The following ARSG variants were observed in gnomAD, a reference collection of about 807,000 sequenced individuals.
ARSG encodes arylsulfatase G.
A neutral mutation model predicts 50.5 loss-of-function variants in ARSG; 37 were observed. That is an observed-to-expected ratio of 0.73 (90% CI 0.56 to 0.96). ARSG has a LOEUF of 0.96. ARSG is among the 50% of genes least tolerant of loss of function. The pLI, the probability that ARSG is intolerant of heterozygous loss-of-function variation, is 0.00. For synonymous variants in ARSG, 225 were observed against 254.6 expected, an observed-to-expected ratio of 0.88 and a Z score of 1.11; for missense variants, 629 against 675.3, an observed-to-expected ratio of 0.93 and a Z score of 0.76.
In ARSG at chr17:68,408,165, G is replaced by A. The variant is rs187579891; in HGVS notation, c.1303+6715G>A. Among the ~76,000 whole-genome samples, 241 of 151,686 alleles carry A rather than the reference G, an allele frequency of 1.6e-3. 1 individual carries two copies. The highest frequency in any genetic ancestry group is 1.7e-3 in the Non-Finnish European group (118 of 67,922). On this transcript the variant is annotated intron_variant, in intron 11 of 11. Coordinates refer to ENST00000621439, the MANE Select transcript of ARSG (RefSeq NM_001267727.2). ...ATACTTTAAGTTTTAGGGTACATGCGCACAATGTGCAGGTTAGTTACATAT... is the reference window on the plus strand; with the variant it reads ...ATACTTTAAGTTTTAGGGTACATGCACACAATGTGCAGGTTAGTTACATAT...
the ARSG span, among the ~76,000 whole-genome samples, chr17:68,429,226 G>A: frequency 1.3e-5 from 2 of 152,166 alleles, no homozygotes; most frequent in Non-Finnish European, 2.9e-5. Flanking sequence ...CTCCCTACAT[G>A]GGACGCAGTC....
chr17:68,290,327 G>A (rs184799063), upstream of ARSG, among the ~76,000 whole-genome samples: 872 of 152,262 alleles, frequency 5.7e-3, 3 homozygotes, highest in Non-Finnish European at 7.8e-3. Flanking sequence ...AGGGTGGGGG[G>A]AATAAAAAGA....
chr17:68,362,724 G>A (rs1235426825), intron 6 of ARSG, among the ~76,000 whole-genome samples: 4 of 152,144 alleles, frequency 2.6e-5, no homozygotes, highest in African/African-American at 4.8e-5. Context: ...TCAGGTCAGT[G>A]CTCAAACAGT....
At chr17:68,330,535 G>A (rs925558012) in intron 2 of ARSG, among the ~76,000 whole-genome samples, 3 of 152,188 alleles carry the variant, frequency 2.0e-5, no homozygotes, top group African/African-American at 7.2e-5. Flanking sequence ...GCTGTGGAGA[G>A]GCAGGAGGGA....
Position 68,386,146 on chromosome 17 carries a change from A to G in ARSG, c.1091+974A>G, listed in dbSNP as rs1188638335. Among the ~76,000 whole-genome samples the G allele has an allele frequency of 3.3e-5, 5 of 152,150 alleles. No homozygotes were observed. The East Asian group carries it at 7.7e-4, about 23-fold the overall frequency. On this transcript the variant is annotated intron_variant, in intron 9 of 11. Transcript: ENST00000621439. ...TTGGCTGTGCAGCGTCTATGTGAAA[A>G]CAACATCTTCCCAGCTATGGAACCA...
chr17:68,344,733 T>C (rs533136229), intron 3 of ARSG, among the ~76,000 whole-genome samples: 27 of 152,294 alleles, frequency 1.8e-4, no homozygotes, highest in African/African-American at 6.0e-4. Flanking sequence ...TGTTTGTTAG[T>C]CTAACTCTCA....
At position 68,291,884 on chromosome 17, in the gene ARSG, G is replaced by C. The variant is rs531132427; in HGVS notation, c.-552+316G>C. On this transcript the variant is annotated intron_variant, in intron 1 of 11. Coordinates refer to ENST00000621439, the MANE Select transcript of ARSG (RefSeq NM_001267727.2). ...GATTTAGCGGCGAGGGGGAACACGC[G>C]CGCGCCGGGGCTGATCCCGCGCGGC... Among the ~76,000 whole-genome samples, 5 of 151,950 alleles carry C rather than the reference G, an allele frequency of 3.3e-5. No individual in the cohort carries two copies. In the South Asian group the frequency reaches 1.0e-3, roughly 31 times the overall value.
chr17:68,388,807 C>T (rs112428645), intron 9 of ARSG, among the ~76,000 whole-genome samples: 137 of 151,968 alleles, frequency 9.0e-4, no homozygotes, highest in African/African-American at 3.2e-3. Context: ...TGCCTGTAAT[C>T]CCAGCTATTC....
At chr17:68,439,091 A>AAACAT in the ARSG span, among the ~76,000 whole-genome samples, 101 of 152,320 alleles carry the variant, frequency 6.6e-4, 1 homozygote, top group African/African-American at 2.4e-3. Context: ...TTCAAAAGCT[A>AAACAT]AACATAAAGT....
At chr17:68,282,052 G>A (rs55904835) in intron 1 of ARSG, among the ~76,000 whole-genome samples, 2,256 of 152,200 alleles carry the variant, frequency 0.015, 55 homozygotes, top group African/African-American at 0.052. Context: ...ACATGCACAC[G>A]TATGTTTATT....
chr17:68,418,510 A>G (rs1030623930), intron 11 of ARSG, among the ~76,000 whole-genome samples: 7 of 149,224 alleles, frequency 4.7e-5, no homozygotes. Flanking sequence ...CAGTAATAAA[A>G]AAGGGTTGTC....
intron 9 of ARSG, among the ~76,000 whole-genome samples, chr17:68,388,755 T>C (rs1351723664): frequency 1.3e-5 from 2 of 151,628 alleles, no homozygotes; most frequent in Non-Finnish European, 2.9e-5. Flanking sequence ...TGAAACCCCG[T>C]CTCTACTAAA....
chr17:68,289,740 A>G (rs2075925701), upstream of ARSG, among the ~76,000 whole-genome samples: 1 of 152,154 alleles, frequency 6.6e-6, no homozygotes. Context: ...TGGTGTTGAA[A>G]CCTGAGCCCC....
At chr17:68,374,790 G>A (rs974474999) in intron 8 of ARSG, among the ~76,000 whole-genome samples, 1 of 151,462 alleles carries the variant, frequency 6.6e-6, no homozygotes, top group African/African-American at 2.4e-5. Flanking sequence ...AGGTGGAGGA[G>A]GTTGCAGTGA....
chr17:68,373,595 G>C (rs535406448), intron 8 of ARSG, among the ~76,000 whole-genome samples: 1 of 152,294 alleles, frequency 6.6e-6, no homozygotes, highest in East Asian at 1.9e-4. Flanking sequence ...GCAAGTGGCT[G>C]CAGGACTGTG....
intron 2 of ARSG, among the ~76,000 whole-genome samples, chr17:68,318,499 C>T (rs1386949409): frequency 6.6e-6 from 1 of 152,194 alleles, no homozygotes; most frequent in Non-Finnish European, 1.5e-5. Context: ...GCAGTAATGA[C>T]TCACAGGTCT....
the ARSG span, among the ~76,000 whole-genome samples, chr17:68,433,888 T>G: frequency 6.8e-6 from 1 of 147,990 alleles, no homozygotes; most frequent in African/African-American, 2.5e-5. Flanking sequence ...GTTCAAGCGA[T>G]TCTCCTGCCT....
At position 68,367,588 on chromosome 17, in the gene ARSG, C is replaced by A. The variant is rs998922912; in HGVS notation, c.705-960C>A. Among the ~76,000 whole-genome samples the A allele has an allele frequency of 3.3e-5, 5 of 152,172 alleles. No homozygotes were observed. Among genetic ancestry groups the A allele is most frequent in the Non-Finnish European group, 5.9e-5 (4 of 68,034 alleles). ...TCTTGGCTGGGAGTAGGACTGGGACCTTTGCTTGGAAGCCACGCCAGCTCC... is the reference window on the plus strand; with the variant it reads ...TCTTGGCTGGGAGTAGGACTGGGACATTTGCTTGGAAGCCACGCCAGCTCC... On this transcript the variant is annotated intron_variant, in intron 6 of 11. Coordinates refer to ENST00000621439, the MANE Select transcript of ARSG (RefSeq NM_001267727.2). The surrounding 1 kb of genome is among the most constrained non-coding windows in gnomAD (Gnocchi z 4.5).
At chr17:68,319,413 A>G (rs1338433177) in intron 2 of ARSG, among the ~76,000 whole-genome samples, 1 of 152,190 alleles carries the variant, frequency 6.6e-6, no homozygotes, top group African/African-American at 2.4e-5. Flanking sequence ...CCACCTTTCA[A>G]CTGGGGCCAG....
Sources: allele counts gnomAD v4.1 joint callset (sites outside exome capture counted in the v4.1 genomes callset), GRCh38; gene constraint gnomAD v4.1.1; non-coding constraint Gnocchi (gnomAD v3.1); transcripts MANE v1.5; gene names NCBI Gene and HGNC (gene_info 2026-07-23, HGNC 2026-07-21).